Variants in TBC1D19 observed in about 807,000 individuals in gnomAD.
TBC1D19 encodes TBC1 domain family, member 19.
TBC1D19 carries 60 observed loss-of-function variants against 89.0 expected under a neutral mutation model. The observed-to-expected ratio is 0.67, with a 90% confidence interval of 0.55 to 0.84. TBC1D19 has a LOEUF of 0.84. Ranked by LOEUF, TBC1D19 falls within the 40% of genes least tolerant of loss-of-function variation. The pLI is 0.00. For missense variants in TBC1D19, 500 were observed against 610.8 expected, an observed-to-expected ratio of 0.82 and a Z score of 1.91; for synonymous variants, 189 against 199.7, an observed-to-expected ratio of 0.95 and a Z score of 0.45.
the TBC1D19 span, among the ~76,000 whole-genome samples, chr4:26,763,002 T>C: frequency 6.6e-6 from 1 of 152,198 alleles, no homozygotes; most frequent in Non-Finnish European, 1.5e-5. Context: ...GGGTCATAGT[T>C]TGTGACAGCA....
At chr4:26,584,367 A>G (rs1028641614) in intron 1 of TBC1D19, 75 bp downstream of exon 1, 1 of 1,407,798 alleles carries the variant, frequency 7.1e-7, no homozygotes, top group Non-Finnish European at 9.9e-7. Flanking sequence ...CTCCTCACCC[A>G]AGCCAGAGCT....
At chr4:26,700,632 G>A (rs927219659) in intron 13 of TBC1D19, among the ~76,000 whole-genome samples, 4 of 152,060 alleles carry the variant, frequency 2.6e-5, no homozygotes, top group African/African-American at 9.7e-5. Flanking sequence ...CTTTTTAAAT[G>A]TGGATTTTAA....
chr4:26,623,537 T>G (rs1389341675), intron 4 of TBC1D19, among the ~76,000 whole-genome samples: 1 of 152,236 alleles, frequency 6.6e-6, no homozygotes, highest in Non-Finnish European at 1.5e-5. Flanking sequence ...TCCTTCTTTT[T>G]TGTTGCCACA....
Position 26,755,454 on chromosome 4 carries a change from T to G in TBC1D19, c.*507T>G, listed in dbSNP as rs1223118195. On this transcript the variant is annotated 3_prime_UTR_variant, in exon 21 of 21. Transcript: ENST00000264866. The stretch of plus-strand genomic sequence containing the variant: ...TGTTTTTAAGTAGGAATTCAAAAGT[T>G]GCTTAAATGGTGTTTTAAGCAACTT... 6.6e-6 allele frequency: 1 copy of G among 152,168 alleles called. No homozygotes were observed. The highest frequency in any genetic ancestry group is 1.9e-4 in the East Asian group (1 of 5,204). 9.4% of individuals were successfully genotyped at this position (152,168 alleles called of 1,614,324 possible).
chr4:26,742,505 C>T lies in TBC1D19; in HGVS notation c.1228-3C>T, dbSNP rs1718428173. ...TTCTCTTATGATTCATTATTGTATC[C>T]AGGGTATTGTGTCACTCTGTCTGCT... On this transcript the variant is annotated splice_region_variant and splice_polypyrimidine_tract_variant and intron_variant, in intron 17 of 20. Coordinates refer to ENST00000264866, the MANE Select transcript of TBC1D19 (RefSeq NM_018317.4). The T allele has an allele frequency of 1.3e-6, 2 of 1,595,652 alleles. No homozygotes were observed. Among genetic ancestry groups the T allele is most frequent in the Non-Finnish European group, 1.7e-6 (2 of 1,170,160 alleles).
intron 4 of TBC1D19, among the ~76,000 whole-genome samples, chr4:26,627,924 C>T (rs1238935233): frequency 6.6e-6 from 1 of 152,080 alleles, no homozygotes; most frequent in East Asian, 1.9e-4. Context: ...GCTTTTGTTG[C>T]CATTGCTTTT....
At chr4:26,652,857 C>T (rs1744498183) in intron 7 of TBC1D19, among the ~76,000 whole-genome samples, 2 of 152,026 alleles carry the variant, frequency 1.3e-5, no homozygotes, top group Admixed American at 1.3e-4. Flanking sequence ...TTTTTTGTGT[C>T]TCTATCTCCT....
chr4:26,616,211 A>G lies in TBC1D19; in HGVS notation c.218+1758A>G, dbSNP rs562121274. On this transcript the variant is annotated intron_variant, in intron 3 of 20. Coordinates refer to ENST00000264866, the MANE Select transcript of TBC1D19 (RefSeq NM_018317.4). ...ATAGGAGGACATAGCTTAGTATGAG[A>G]GCAAAATTAGTCTTTCAGCTGAACT... Among the ~76,000 whole-genome samples the G allele has an allele frequency of 6.6e-5, 10 of 152,316 alleles. No individual in the cohort carries two copies. The South Asian group carries it at 2.1e-3, about 32-fold the overall frequency.
the TBC1D19 span, among the ~76,000 whole-genome samples, chr4:26,762,314 T>C: frequency 6.6e-6 from 1 of 152,378 alleles, no homozygotes; most frequent in Non-Finnish European, 1.5e-5. Context: ...AATGCCTTTG[T>C]CATATTAATT....
chr4:26,746,513 G>T (rs774342837), intron 18 of TBC1D19, among the ~76,000 whole-genome samples: 1 of 151,758 alleles, frequency 6.6e-6, no homozygotes, highest in African/African-American at 2.4e-5. Context: ...GTGGTTTTTC[G>T]GTTATTGTAT....
intron 4 of TBC1D19, among the ~76,000 whole-genome samples, chr4:26,621,151 G>T (rs1156912070): frequency 1.3e-5 from 2 of 152,108 alleles, no homozygotes; most frequent in Non-Finnish European, 2.9e-5. Context: ...TGATAAACCT[G>T]CTATCAAAAT....
At chr4:26,809,801 G>A in the TBC1D19 span, among the ~76,000 whole-genome samples, 14 of 152,126 alleles carry the variant, frequency 9.2e-5, no homozygotes, top group Non-Finnish European at 1.3e-4. Context: ...TCTGTGAATC[G>A]TCCCTTCATC....
At chr4:26,612,367 C>T (rs1229566979) in intron 1 of TBC1D19, among the ~76,000 whole-genome samples, 3 of 151,680 alleles carry the variant, frequency 2.0e-5, no homozygotes, top group South Asian at 4.2e-4. Flanking sequence ...CTTGGAAGAT[C>T]TGGTAAATGG....
At chr4:26,820,915 G>A in the TBC1D19 span, among the ~76,000 whole-genome samples, 1 of 152,150 alleles carries the variant, frequency 6.6e-6, no homozygotes, top group African/African-American at 2.4e-5. Context: ...TTTCACAGCT[G>A]TCTTCTCAGT....
At chr4:26,702,657 C>G (rs1437156460) in intron 13 of TBC1D19, among the ~76,000 whole-genome samples, 1 of 152,104 alleles carries the variant, frequency 6.6e-6, no homozygotes, top group African/African-American at 2.4e-5. Context: ...CATGACTTCT[C>G]CTGCTTTTAG....
At chr4:26,696,256 CAAAG>C (rs1261378512) in intron 13 of TBC1D19, among the ~76,000 whole-genome samples, 3 of 152,062 alleles carry the variant, frequency 2.0e-5, no homozygotes, top group African/African-American at 7.2e-5. Context: ...TCAAAAGAGA[CAAAG>C]AAGGCCATTA....
chr4:26,614,772 G>A (rs976240967), intron 3 of TBC1D19, among the ~76,000 whole-genome samples: 1 of 152,092 alleles, frequency 6.6e-6, no homozygotes, highest in African/African-American at 2.4e-5. Flanking sequence ...CCGCCTCCCA[G>A]GTTCAAGTGA....
intron 13 of TBC1D19, among the ~76,000 whole-genome samples, chr4:26,717,621 T>C (rs1320850596): frequency 2.0e-5 from 3 of 152,082 alleles, no homozygotes; most frequent in Non-Finnish European, 4.4e-5. Flanking sequence ...GTCTTCTCCA[T>C]ACATTTTTCA....
Position 26,656,981 on chromosome 4 carries a change from TCTTCTTCTTCTC to T in TBC1D19, c.481-2610_481-2599del, listed in dbSNP as rs1334729694. Among the ~76,000 whole-genome samples, 12 of 7,164 alleles carry T rather than the reference TCTTCTTCTTCTC, an allele frequency of 1.7e-3. No homozygotes were observed. In the East Asian group the frequency reaches 0.031, roughly 18 times the overall value. 4.7% of individuals were successfully genotyped at this position (7,164 alleles called of 152,430 possible). ...TCTTTCTTCTTCTTCTTCTTCTTCT[TCTTCTTCTTCTC>T]CTTCTCCTTCTCCTTCTCCTTCTCC... On this transcript the variant is annotated intron_variant, in intron 7 of 20. Transcript: ENST00000264866.
Sources: gnomAD v4.1 joint callset for allele counts (sites outside exome capture counted in the v4.1 genomes callset) on GRCh38, gnomAD v4.1.1 for gene constraint, MANE v1.5 for transcripts, NCBI Gene and HGNC (gene_info 2026-07-23, HGNC 2026-07-21) for gene names.